SLC15A1: variants seen among roughly 807,000 people sequenced by gnomAD.
SLC15A1 encodes Caco-2 oligopeptide transporter.
SLC15A1 carries 83 observed loss-of-function variants against 92.9 expected under a neutral mutation model. That is an observed-to-expected ratio of 0.89 (90% confidence interval 0.75 to 1.07). The LOEUF (loss-of-function observed/expected upper bound fraction) is 1.07. Among genes scored for constraint, SLC15A1 ranks in the 50% least tolerant of loss-of-function variants. The pLI, the probability that SLC15A1 is intolerant of heterozygous loss-of-function variation, is 0.00. For synonymous variants in SLC15A1, 322 were observed against 318.2 expected, an observed-to-expected ratio of 1.01 and a Z score of -0.13; for missense variants, 857 against 880.1, an observed-to-expected ratio of 0.97 and a Z score of 0.33.
At chr13:98,708,371 T>G (rs770762578) in intron 15 of SLC15A1, among the ~76,000 whole-genome samples, 4 of 152,356 alleles carry the variant, frequency 2.6e-5, no homozygotes, top group Admixed American at 6.5e-5. Context: ...GATGCTTGTT[T>G]GTAAGTGATG....
At chr13:98,702,967 CAAAAAAAAAAAAAAAA>C (rs535486738) in intron 17 of SLC15A1, among the ~76,000 whole-genome samples, 9 of 77,688 alleles carry the variant, frequency 1.2e-4, no homozygotes, top group African/African-American at 2.6e-4. Flanking sequence ...GATCCTGTCT[CAAAAAAAAAAAAAAAA>C]AAAAAAAAAA....
intron 17 of SLC15A1, 60 bp downstream of exon 17, chr13:98,704,229 A>C: frequency 1.3e-6 from 2 of 1,491,434 alleles, no homozygotes; most frequent in Middle Eastern, 1.8e-4. Flanking sequence ...ACACCATAAA[A>C]ATTTTGGCCT....
intron 18 of SLC15A1, among the ~76,000 whole-genome samples, chr13:98,696,431 CA>C (rs199564472): frequency 1.3e-5 from 2 of 149,074 alleles, no homozygotes; most frequent in East Asian, 2.0e-4. Context: ...ACAACAACAA[CA>C]AAAAAAAACC....
chr13:98,710,517 T>C (rs778803956), intron 11 of SLC15A1, among the ~76,000 whole-genome samples: 2 of 152,118 alleles, frequency 1.3e-5, no homozygotes, highest in African/African-American at 4.8e-5. Context: ...AAAGACATCA[T>C]AGAAAGTCAG....
At chr13:98,715,237 C>T (rs1396197734) in intron 9 of SLC15A1, among the ~76,000 whole-genome samples, 9 of 152,190 alleles carry the variant, frequency 5.9e-5, no homozygotes, top group African/African-American at 2.2e-4. Flanking sequence ...TGCAATGGCA[C>T]AATCTCGGCT....
At chr13:98,737,160 G>T (rs2088401526) in intron 1 of SLC15A1, among the ~76,000 whole-genome samples, 2 of 152,232 alleles carry the variant, frequency 1.3e-5, no homozygotes, top group Admixed American at 1.3e-4. Flanking sequence ...ATACTATTCA[G>T]CCATGAAAAA....
Position 98,706,115 on chromosome 13 carries a change from G to A in SLC15A1, c.1269+19C>T, listed in dbSNP as rs749433080. On this transcript the variant is annotated intron_variant, in intron 16 of 22. Transcript: ENST00000376503. ...GGGTCAGAAGATGAAAAAGAAGGCA[G>A]CAATTTCCTTCTACTTACTTGAGAC... 2.8e-5 allele frequency: 45 copies of A among 1,596,584 alleles called. No homozygotes were observed. The East Asian group carries it at 6.9e-4, about 25-fold the overall frequency.
chr13:98,752,559 CT>C, intron 1 of SLC15A1, 35 bp downstream of exon 1: 1 of 1,270,000 alleles, frequency 7.9e-7, no homozygotes, highest in Non-Finnish European at 9.9e-7. Context: ...AGCTCCGAGT[CT>C]TTAGCCCGGC....
chr13:98,721,529 A>C lies in SLC15A1; in HGVS notation c.522T>G (p.Ser174Arg). Reference protein sequence around the residue: ...SIFYLAINAGSLLSTIITPML... With the variant: ...SIFYLAINAGRLLSTIITPML... The stretch of plus-strand genomic sequence containing the variant: ...TGGGTGTGATGATTGTGGAAAGCAA[A>C]CTTCCAGCATTAATAGCCAAGTAAA... Residue 174 changes from serine (S) to arginine (R), a missense_variant, in exon 7 of 23, where the codon AGT (serine) becomes AGG (arginine). Ser to Arg is a moderately radical substitution (Grantham distance 110). Coordinates refer to ENST00000376503, the MANE Select transcript of SLC15A1 (RefSeq NM_005073.4). 6.2e-7 allele frequency: 1 copy of C among 1,613,040 alleles called. No homozygotes were observed.
At position 98,702,480 on chromosome 13, in the gene SLC15A1, C is replaced by T; in HGVS notation, c.1466G>A (p.Arg489Lys). 1 of 1,601,930 alleles carries T rather than the reference C, an allele frequency of 6.2e-7. No individual in the cohort carries two copies. The highest frequency in any genetic ancestry group is 8.6e-7 in the Non-Finnish European group (1 of 1,169,206). The stretch of plus-strand genomic sequence containing the variant: ...TTAAATTTTAAAGAAATATACATAC[C>T]TGATTCCATTTTCCCCTTTTTCTGG... Reference protein sequence around the residue: ...QKPEKGENGIRFVNTFNELIT... With the variant: ...QKPEKGENGIKFVNTFNELIT... The change falls in exon 18 of 23, where the codon AGA becomes AAA. Residue 489 changes from arginine to lysine, a missense_variant and splice_region_variant. Coordinates refer to ENST00000376503, the MANE Select transcript of SLC15A1 (RefSeq NM_005073.4).
chr13:98,707,941 T>TTTTA (rs201682915), intron 15 of SLC15A1, among the ~76,000 whole-genome samples: 1 of 145,644 alleles, frequency 6.9e-6, no homozygotes, highest in African/African-American at 2.6e-5. Context: ...AAATGTTATG[T>TTTTA]TATATATATA....
At chr13:98,744,401 G>A (rs2088475332) in intron 1 of SLC15A1, among the ~76,000 whole-genome samples, 1 of 151,000 alleles carries the variant, frequency 6.6e-6, no homozygotes, top group South Asian at 2.1e-4. Flanking sequence ...TCATGGTTAA[G>A]TATGACGTTA....
At chr13:98,721,634 A>G (rs775593880) in intron 6 of SLC15A1, 49 bp from the exon 7 acceptor site, 6 of 1,354,798 alleles carry the variant, frequency 4.4e-6, no homozygotes, top group Non-Finnish European at 6.2e-6. Context: ...CAATCCACTG[A>G]GCACAGGGAG....
Position 98,715,902 on chromosome 13 carries a change from C to T in SLC15A1, c.699G>A (p.Met233Ile), listed in dbSNP as rs763620882. 1 of 1,614,152 alleles carries T rather than the reference C, an allele frequency of 6.2e-7. No individual in the cohort carries two copies. Among genetic ancestry groups the T allele is most frequent in the Non-Finnish European group, 8.5e-7 (1 of 1,180,008 alleles). Reference sequence around the variant, plus strand: ...CACCGATGCACTTGGCCACTTTACCCATGATGTTGCCCTGTGGCTTGAACT... The same window carrying T: ...CACCGATGCACTTGGCCACTTTACCTATGATGTTGCCCTGTGGCTTGAACT... ...YKKFKPQGNI[M>I]GKVAKCIGFA... The change falls in exon 9 of 23, where the codon ATG (methionine) becomes ATA (isoleucine). Residue 233 changes from methionine (M) to isoleucine (I), a missense_variant. Physicochemically the swap from Met to Ile is conservative, Grantham distance 10. Transcript: ENST00000376503.
chr13:98,746,666 G>A (rs910746411), intron 1 of SLC15A1, among the ~76,000 whole-genome samples: 3 of 152,166 alleles, frequency 2.0e-5, no homozygotes, highest in African/African-American at 7.2e-5. Flanking sequence ...AACTTTTAAC[G>A]AGCCTTCTTA....
chr13:98,730,346 T>C (rs2139599896), intron 1 of SLC15A1, among the ~76,000 whole-genome samples: 1 of 150,750 alleles, frequency 6.6e-6, no homozygotes, highest in South Asian at 2.1e-4. Flanking sequence ...AAGGGGGAAA[T>C]ACACTGTACT....
At chr13:98,707,891 T>TTAAAAAAAA (rs1315915894) in intron 15 of SLC15A1, among the ~76,000 whole-genome samples, 1 of 106,852 alleles carries the variant, frequency 9.4e-6, no homozygotes, top group African/African-American at 4.0e-5. Flanking sequence ...AGACCCTGTT[T>TTAAAAAAAA]AAAAAAAAAA....
In SLC15A1 at chr13:98,721,496, T is replaced by G; in HGVS notation, c.555A>C (p.Arg185Ser). 1 of 1,611,154 alleles carries G rather than the reference T, an allele frequency of 6.2e-7. No individual in the cohort carries two copies. The highest frequency in any genetic ancestry group is 8.5e-7 in the Non-Finnish European group (1 of 1,177,384). ...LLSTIITPMLRVQQCGIHSKQ... is the reference protein window; with the variant it reads ...LLSTIITPMLSVQQCGIHSKQ... ...AAGTTCCTTTCAGGTATCTCTTACC[T>G]CTGAGCATGGGTGTGATGATTGTGG... The change falls in exon 7 of 23, where the codon AGA becomes AGC. Residue 185 changes from arginine to serine, a missense_variant and splice_region_variant. Transcript: ENST00000376503.
rs774409998 is a variant in SLC15A1 at position 98,711,916 on chromosome 13, C to T, written c.838G>A (p.Val280Ile). 2.5e-6 allele frequency: 4 copies of T among 1,613,064 alleles called. No homozygotes were observed. Among genetic ancestry groups the T allele is most frequent in the Non-Finnish European group, 3.4e-6 (4 of 1,179,940 alleles). Residue 280 changes from valine to isoleucine, a missense_variant, in exon 11 of 23, where the codon GTT becomes ATT. Transcript: ENST00000376503. ...DERLISQIKMVTRVMFLYIPL... is the reference protein window; with the variant it reads ...DERLISQIKMITRVMFLYIPL... The stretch of plus-strand genomic sequence containing the variant: ...ATATACAGGAACATCACCCTCGTAA[C>T]CATCTTAATTTGGGAGATGAGCCGC...
Sources: allele counts gnomAD v4.1 joint callset (sites outside exome capture counted in the v4.1 genomes callset), GRCh38; gene constraint gnomAD v4.1.1; transcripts MANE v1.5; gene names NCBI Gene and HGNC (gene_info 2026-07-23, HGNC 2026-07-21).